Variants in KIAA1958 observed in about 807,000 individuals in gnomAD.
KIAA1958 encodes KIAA1958.
In KIAA1958, 14 loss-of-function variants were observed where a neutral mutation model predicts 47.2. That is an observed-to-expected ratio of 0.30 (90% CI 0.20 to 0.46). KIAA1958 has a LOEUF of 0.46. Among genes scored for constraint, KIAA1958 ranks in the 20% least tolerant of loss-of-function variants. The pLI is 1.00. For missense variants in KIAA1958, 803 were observed against 909.2 expected (o/e 0.88, Z 1.50); for synonymous variants, 354 against 353.3 (o/e 1.00, Z -0.02).
intron 1 of KIAA1958, among the ~76,000 whole-genome samples, chr9:112,506,895 G>A (rs1834244367): frequency 6.6e-6 from 1 of 152,118 alleles, no homozygotes; most frequent in Non-Finnish European, 1.5e-5. Flanking sequence ...GGTAGTTTTG[G>A]TAGTGAGTTC....
chr9:112,498,143 G>A (rs1187997822), intron 1 of KIAA1958, among the ~76,000 whole-genome samples: 2 of 151,752 alleles, frequency 1.3e-5, no homozygotes, highest in Non-Finnish European at 2.9e-5. Context: ...CACAGTTATT[G>A]ACTTTGTTTA....
chr9:112,597,932 A>G (rs999165108), intron 2 of KIAA1958, among the ~76,000 whole-genome samples: 2 of 152,200 alleles, frequency 1.3e-5, no homozygotes, highest in African/African-American at 2.4e-5. Flanking sequence ...TTCTTGAACC[A>G]TGGATGAAAC....
At chr9:112,570,898 T>G (rs1298840619) in intron 1 of KIAA1958, among the ~76,000 whole-genome samples, 1 of 152,192 alleles carries the variant, frequency 6.6e-6, no homozygotes, top group Admixed American at 6.5e-5. Context: ...GATGTGACTC[T>G]CAGCCTGAGG....
At chr9:112,608,624 T>C (rs1246501425) in intron 2 of KIAA1958, among the ~76,000 whole-genome samples, 3 of 151,846 alleles carry the variant, frequency 2.0e-5, no homozygotes, top group African/African-American at 7.3e-5. Flanking sequence ...CCGTTATCTA[T>C]ACCAAAAATG....
chr9:112,606,025 A>G (rs1056528786), intron 2 of KIAA1958, among the ~76,000 whole-genome samples: 4 of 152,336 alleles, frequency 2.6e-5, no homozygotes, highest in African/African-American at 9.6e-5. Flanking sequence ...CCATCTCTGT[A>G]GACCCAGCCT....
At chr9:112,635,480 C>T (rs1836790397) in intron 2 of KIAA1958, among the ~76,000 whole-genome samples, 1 of 152,066 alleles carries the variant, frequency 6.6e-6, no homozygotes, top group Non-Finnish European at 1.5e-5. Context: ...TCAAACTCCT[C>T]AGCTCAAGTT....
chr9:112,612,627 G>A (rs184701193), intron 2 of KIAA1958, among the ~76,000 whole-genome samples: 1 of 152,182 alleles, frequency 6.6e-6, no homozygotes, highest in Non-Finnish European at 1.5e-5. Context: ...AATTAAATAA[G>A]CAAAGATGAA....
At chr9:112,573,042 G>C (rs996550505) in intron 1 of KIAA1958, among the ~76,000 whole-genome samples, 2 of 152,116 alleles carry the variant, frequency 1.3e-5, no homozygotes, top group Non-Finnish European at 2.9e-5. Context: ...TCCCTGACCA[G>C]TGCTCCCAGG....
intron 1 of KIAA1958, among the ~76,000 whole-genome samples, chr9:112,531,662 A>G (rs1353284174): frequency 6.6e-6 from 1 of 152,248 alleles, no homozygotes; most frequent in East Asian, 1.9e-4. Context: ...TTTTGAAGAC[A>G]TAGTCCATAA....
intron 1 of KIAA1958, among the ~76,000 whole-genome samples, chr9:112,508,390 C>T (rs2132775477): frequency 6.6e-6 from 1 of 152,242 alleles, no homozygotes; most frequent in East Asian, 1.9e-4. Context: ...AATTAAAAAG[C>T]TTAAATTCTC....
At chr9:112,519,501 A>C (rs1834501033) in intron 1 of KIAA1958, among the ~76,000 whole-genome samples, 1 of 152,196 alleles carries the variant, frequency 6.6e-6, no homozygotes, top group Non-Finnish European at 1.5e-5. Context: ...CTTTATCGAA[A>C]ACATAGGTGA....
At chr9:112,521,327 A>T (rs1248910673) in intron 1 of KIAA1958, among the ~76,000 whole-genome samples, 1 of 152,086 alleles carries the variant, frequency 6.6e-6, no homozygotes, top group East Asian at 1.9e-4. Context: ...CTCCCACTTC[A>T]GCCTCTTAAG....
chr9:112,514,967 C>T (rs1349458999), intron 1 of KIAA1958, among the ~76,000 whole-genome samples: 34 of 59,034 alleles, frequency 5.8e-4, no homozygotes, highest in South Asian at 8.8e-4. Context: ...CCAGCCGCCC[C>T]GTCCGGGAGG....
In KIAA1958 at chr9:112,643,170, A is replaced by C. The variant is rs546849043; in HGVS notation, c.1172-2480A>C. On this transcript the variant is annotated intron_variant, in intron 2 of 3. Transcript: ENST00000337530. The stretch of plus-strand genomic sequence containing the variant: ...TATCTAAATTGCATTCTTTACTGAG[A>C]ATTTTATCCTTATAGTACCTGATTC... Among the ~76,000 whole-genome samples, 4 of 152,264 alleles carry C rather than the reference A, an allele frequency of 2.6e-5. No homozygotes were observed. In the South Asian group the frequency reaches 8.3e-4, roughly 32 times the overall value.
intron 1 of KIAA1958, among the ~76,000 whole-genome samples, chr9:112,496,550 C>T (rs1414261820): frequency 6.6e-6 from 1 of 152,180 alleles, no homozygotes; most frequent in African/African-American, 2.4e-5. Context: ...TTATTGCTGC[C>T]TTTTTCCGAG....
At chr9:112,615,248 G>A (rs1329013334) in intron 2 of KIAA1958, among the ~76,000 whole-genome samples, 3 of 151,562 alleles carry the variant, frequency 2.0e-5, no homozygotes, top group Admixed American at 6.6e-5. Flanking sequence ...TGGTGAAACC[G>A]CATCTCTACA....
intron 2 of KIAA1958, among the ~76,000 whole-genome samples, chr9:112,645,120 C>T (rs1158915797): frequency 1.4e-5 from 2 of 139,092 alleles, no homozygotes; most frequent in African/African-American, 2.7e-5. Context: ...GGGCGATAAG[C>T]GCAAAACTTT....
intron 1 of KIAA1958, among the ~76,000 whole-genome samples, chr9:112,501,717 T>G (rs139700813): frequency 2.0e-5 from 3 of 152,268 alleles, no homozygotes; most frequent in African/African-American, 7.2e-5. Flanking sequence ...GAGCCAAGAT[T>G]CGAAACCCTA....
chr9:112,504,401 C>T (rs531275344), intron 1 of KIAA1958, among the ~76,000 whole-genome samples: 5 of 152,240 alleles, frequency 3.3e-5, no homozygotes, highest in East Asian at 1.9e-4. Context: ...GTTGGCCAGG[C>T]GGGTCTCGAA....
Sources: allele counts gnomAD v4.1 joint callset (sites outside exome capture counted in the v4.1 genomes callset), GRCh38; gene constraint gnomAD v4.1.1; transcripts MANE v1.5; gene names NCBI Gene and HGNC (gene_info 2026-07-23, HGNC 2026-07-21).